The following MAPK10 variants were observed in gnomAD, a reference collection of about 807,000 sequenced individuals.
MAPK10 encodes the protein mitogen-activated protein kinase 10, also known as JNK3 alpha protein kinase.
Under a neutral mutation model 59.3 loss-of-function variants are expected in MAPK10, and 25 were observed. That is an observed-to-expected ratio of 0.42 (90% CI 0.31 to 0.59). MAPK10 has a LOEUF of 0.59. MAPK10 is among the 20% of genes least tolerant of loss of function. MAPK10 has a pLI of 0.15. For synonymous variants in MAPK10, 190 were observed against 200.5 expected (o/e 0.95, Z 0.44); for missense variants, 351 against 568.9 (o/e 0.62, Z 3.90).
intron 1 of MAPK10, among the ~76,000 whole-genome samples, chr4:86,521,489 G>GAAC (rs1375869948): frequency 6.6e-6 from 1 of 152,100 alleles, no homozygotes. Context: ...CACTGTCGGG[G>GAAC]ATGGGGGTGG....
At chr4:86,288,419 T>C (rs185756313) in intron 2 of MAPK10, among the ~76,000 whole-genome samples, 5 of 150,120 alleles carry the variant, frequency 3.3e-5, no homozygotes, top group Admixed American at 2.7e-4. Flanking sequence ...CTTAGCATTT[T>C]TTTAGCTATA....
chr4:86,182,224 T>C (rs1228811556), intron 3 of MAPK10, among the ~76,000 whole-genome samples: 1 of 152,082 alleles, frequency 6.6e-6, no homozygotes, highest in African/African-American at 2.4e-5. Flanking sequence ...TAAGAGTAAC[T>C]TCTTCAAAAA....
intron 1 of MAPK10, among the ~76,000 whole-genome samples, chr4:86,374,144 A>T (rs535841814): frequency 6.6e-6 from 1 of 152,306 alleles, no homozygotes; most frequent in East Asian, 1.9e-4. Context: ...ATTCTCAGCA[A>T]ACTAACACAG....
intron 4 of MAPK10, among the ~76,000 whole-genome samples, chr4:86,142,856 G>A (rs548120451): frequency 1.0e-3 from 159 of 152,232 alleles, no homozygotes; most frequent in Admixed American, 4.0e-3. Context: ...CAGACACATG[G>A]CATTCAGCTA....
intron 13 of MAPK10, chr4:86,028,231 G>A (rs1220373681): frequency 6.6e-6 from 1 of 152,084 alleles, no homozygotes; most frequent in African/African-American, 2.4e-5. Context: ...TAGAGAGGGT[G>A]GTATGGAAAA....
At chr4:86,069,017 A>T (rs1331440997) in intron 9 of MAPK10, among the ~76,000 whole-genome samples, 1 of 152,122 alleles carries the variant, frequency 6.6e-6, no homozygotes, top group African/African-American at 2.4e-5. Flanking sequence ...CTTTGGTGTT[A>T]AGTTAGTTAA....
At chr4:86,070,945 T>C (rs2047798217) in intron 9 of MAPK10, among the ~76,000 whole-genome samples, 1 of 152,058 alleles carries the variant, frequency 6.6e-6, no homozygotes, top group African/African-American at 2.4e-5. Flanking sequence ...TTTCTAGTTC[T>C]AGATCCCTGA....
At chr4:86,222,314 A>G (rs1333180900) in intron 2 of MAPK10, among the ~76,000 whole-genome samples, 1 of 152,110 alleles carries the variant, frequency 6.6e-6, no homozygotes, top group Non-Finnish European at 1.5e-5. Flanking sequence ...AAACTAAGGC[A>G]CTCATTTATC....
At chr4:86,528,689 T>C (rs1048637366) in intron 1 of MAPK10, among the ~76,000 whole-genome samples, 2 of 152,176 alleles carry the variant, frequency 1.3e-5, no homozygotes, top group African/African-American at 2.4e-5. Context: ...CCTAGAGGCA[T>C]GTACCACCAC....
At chr4:86,112,408 G>A (rs2149094415) in intron 4 of MAPK10, among the ~76,000 whole-genome samples, 1 of 152,222 alleles carries the variant, frequency 6.6e-6, no homozygotes, top group Admixed American at 6.5e-5. Context: ...GTTCTGGTAT[G>A]TTGTCTCTTT....
At chr4:86,574,836 G>A (rs1318019988) in intron 1 of MAPK10, among the ~76,000 whole-genome samples, 1 of 152,052 alleles carries the variant, frequency 6.6e-6, no homozygotes, top group Non-Finnish European at 1.5e-5. Flanking sequence ...TTTATAATCT[G>A]TACACCTCTT....
At chr4:86,479,402 G>A (rs1347497171) in intron 1 of MAPK10, among the ~76,000 whole-genome samples, 4 of 150,688 alleles carry the variant, frequency 2.7e-5, no homozygotes, top group Non-Finnish European at 5.9e-5. Context: ...TTGAGCTCCT[G>A]TATAGACGCT....
At chr4:86,463,031 A>T (rs947245316) in intron 1 of MAPK10, among the ~76,000 whole-genome samples, 24 of 152,352 alleles carry the variant, frequency 1.6e-4, no homozygotes, top group African/African-American at 5.3e-4. Flanking sequence ...GAGACTTTGA[A>T]GGAATTAGTT....
chr4:86,068,961 T>G (rs1212135082), intron 9 of MAPK10, among the ~76,000 whole-genome samples: 1 of 152,164 alleles, frequency 6.6e-6, no homozygotes, highest in African/African-American at 2.4e-5. Flanking sequence ...AATCCAATAC[T>G]GCAAGCAGTA....
chr4:86,353,179 C>A (rs1026239380), intron 2 of MAPK10, among the ~76,000 whole-genome samples: 1 of 152,114 alleles, frequency 6.6e-6, no homozygotes. Context: ...GCACTCTAGA[C>A]CTACCCATGT....
intron 4 of MAPK10, chr4:86,120,070 A>C (rs1406943909): frequency 6.6e-6 from 1 of 152,250 alleles, no homozygotes; most frequent in African/African-American, 2.4e-5. Context: ...CAGTGTTTGG[A>C]AAGCAGTAAG....
At chr4:86,122,756 G>C (rs890135211) in intron 4 of MAPK10, among the ~76,000 whole-genome samples, 1 of 151,976 alleles carries the variant, frequency 6.6e-6, no homozygotes, top group Non-Finnish European at 1.5e-5. Context: ...TTTTTTCCTT[G>C]AAAATTGATG....
chr4:86,330,448 C>T (rs1033670808), intron 2 of MAPK10, among the ~76,000 whole-genome samples: 1 of 152,172 alleles, frequency 6.6e-6, no homozygotes, highest in African/African-American at 2.4e-5. Flanking sequence ...AATCTCATCT[C>T]AAACTGTATT....
intron 2 of MAPK10, among the ~76,000 whole-genome samples, chr4:86,218,568 CAAAAAA>C (rs11330422): frequency 5.9e-4 from 56 of 95,468 alleles, no homozygotes; most frequent in African/African-American, 1.5e-3. Flanking sequence ...AAGACTTAAG[CAAAAAA>C]AAAAAAAAAA....
Sources: gnomAD v4.1 joint callset for allele counts (sites outside exome capture counted in the v4.1 genomes callset) on GRCh38, gnomAD v4.1.1 for gene constraint, MANE v1.5 for transcripts, NCBI Gene and HGNC (gene_info 2026-07-23, HGNC 2026-07-21) for gene names.